Variants in SV2B observed in about 807,000 individuals in gnomAD.
The protein encoded by SV2B is synaptic vesicle glycoprotein 2B.
In SV2B, 41 loss-of-function variants were observed where a neutral mutation model predicts 73.9. That is an observed-to-expected ratio of 0.56 (90% confidence interval 0.43 to 0.72). The LOEUF is 0.72. Ranked by LOEUF, SV2B falls within the 30% of genes least tolerant of loss-of-function variation. The pLI is 0.00. For missense variants in SV2B, 764 were observed against 857.8 expected (o/e 0.89, Z 1.37); for synonymous variants, 314 against 314.2 (o/e 1.00, Z 0.01).
At chr15:91,173,706 T>C (rs1013405875) in intron 1 of SV2B, among the ~76,000 whole-genome samples, 1 of 152,162 alleles carries the variant, frequency 6.6e-6, no homozygotes, top group Non-Finnish European at 1.5e-5. Flanking sequence ...TGACTGGAAG[T>C]TCTTCAACAG....
In SV2B at chr15:91,284,264, G is replaced by A; in HGVS notation, c.1708+43G>A. 2 of 1,602,516 alleles carry A rather than the reference G, an allele frequency of 1.2e-6. No individual in the cohort carries two copies. The highest frequency in any genetic ancestry group is 1.7e-6 in the Non-Finnish European group (2 of 1,170,392). On this transcript the variant is annotated intron_variant, in intron 11 of 12. Transcript: ENST00000394232. The surrounding 1 kb of genome is among the most constrained non-coding windows in gnomAD (Gnocchi z 4.5). ...TCATTCCTGGGTTCCAACGCGCTGG[G>A]GTGGTGACTTTCAAGTGTATTAAAC...
chr15:91,249,973 C>T (rs1236524351), intron 2 of SV2B, among the ~76,000 whole-genome samples: 1 of 152,156 alleles, frequency 6.6e-6, no homozygotes, highest in Non-Finnish European at 1.5e-5. Flanking sequence ...CAAACTCTTC[C>T]AGAAAATTGA....
At position 91,157,552 on chromosome 15, in the gene SV2B, A is replaced by G. The variant is rs959233816; in HGVS notation, c.-392+57189A>G. 2.0e-5 allele frequency among the ~76,000 whole-genome samples: 3 copies of G among 152,314 alleles called. No homozygotes were observed. In the East Asian group the frequency reaches 5.8e-4, roughly 29 times the overall value. The stretch of plus-strand genomic sequence containing the variant: ...GAAACAAATGCTTTTGCTGCTTACA[A>G]TATGTTAGGCACTGTTTTAAGCTCT... On this transcript the variant is annotated intron_variant, in intron 1 of 12. Transcript: ENST00000394232.
intron 9 of SV2B, among the ~76,000 whole-genome samples, chr15:91,275,733 C>T (rs12593719): frequency 0.029 from 4,371 of 152,044 alleles, 122 homozygotes; most frequent in East Asian, 0.095. Flanking sequence ...GGCTGAGGCA[C>T]GAGAATTACT....
rs1022302643 is a variant in SV2B at position 91,293,141 on chromosome 15, C to T, written c.*589C>T. The T allele has an allele frequency of 1.3e-5, 2 of 152,158 alleles. No homozygotes were observed. The highest frequency in any genetic ancestry group is 2.9e-5 in the Non-Finnish European group (2 of 68,046). 9.4% of individuals were successfully genotyped at this position (152,158 alleles called of 1,614,324 possible). A position where few individuals can be genotyped will look rare whatever the true frequency, so the allele number is the denominator to read the frequency against. ...ACATCTATAGAGATCTACTTTTCTCCTATGTCTCCTAGGCTTTCCATGATA... is the reference window on the plus strand; with the variant it reads ...ACATCTATAGAGATCTACTTTTCTCTTATGTCTCCTAGGCTTTCCATGATA... On this transcript the variant is annotated 3_prime_UTR_variant, in exon 13 of 13. Transcript: ENST00000394232.
chr15:91,204,556 CTTTTTTT>C (rs568973449), intron 1 of SV2B, among the ~76,000 whole-genome samples: 5 of 127,822 alleles, frequency 3.9e-5, no homozygotes, highest in Non-Finnish European at 8.4e-5. Context: ...TCTTCTTCTT[CTTTTTTT>C]TTTTTTTTTT....
rs2042824944 is a variant in SV2B, at chr15:91,136,370, T to C, written c.-392+36007T>C. Among the ~76,000 whole-genome samples, 1 of 152,054 alleles carries C rather than the reference T, an allele frequency of 6.6e-6. No individual in the cohort carries two copies. Among genetic ancestry groups the C allele is most frequent in the Non-Finnish European group, 1.5e-5 (1 of 68,006 alleles). Reference sequence around the variant, plus strand: ...GACAGCCAGAATGTAAGGGGTCAGTTTGTGGGTGACTTACTCTCTAGGGGC... The same window carrying C: ...GACAGCCAGAATGTAAGGGGTCAGTCTGTGGGTGACTTACTCTCTAGGGGC... On this transcript the variant is annotated intron_variant, in intron 1 of 12. Transcript: ENST00000394232. This position sits in a 1 kb window ranked among gnomAD's most constrained non-coding sequence, Gnocchi z 5.6.
intron 4 of SV2B, among the ~76,000 whole-genome samples, chr15:91,254,390 C>T (rs1165313458): frequency 6.6e-6 from 1 of 152,052 alleles, no homozygotes; most frequent in Non-Finnish European, 1.5e-5. Flanking sequence ...GTGTGTGCCA[C>T]CACACCCAGC....
chr15:91,266,827 G>C, intron 7 of SV2B, 135 bp downstream of exon 7: 1 of 627,306 alleles, frequency 1.6e-6, no homozygotes, highest in Non-Finnish European at 2.6e-6. Flanking sequence ...CCCTGGAGGG[G>C]GGCGTTTGGG....
chr15:91,286,337 T>C (rs1036346921), intron 11 of SV2B, among the ~76,000 whole-genome samples: 5 of 152,232 alleles, frequency 3.3e-5, no homozygotes, highest in Admixed American at 1.3e-4. Context: ...ACATTTTTGT[T>C]CTGCTTAATC....
In SV2B at chr15:91,121,131, A is replaced by AT. The variant is rs11424510; in HGVS notation, c.-392+20777dup. Among the ~76,000 whole-genome samples, 66,285 of 151,114 alleles carry AT rather than the reference A, an allele frequency of 0.44. 15,444 individuals are homozygous for AT. The highest frequency in any genetic ancestry group is 0.49 in the Middle Eastern group (143 of 292). On this transcript the variant is annotated intron_variant, in intron 1 of 12. Transcript: ENST00000394232. The surrounding 1 kb of genome is among the most constrained non-coding windows in gnomAD (Gnocchi z 4.4). ...TGGTCTTATGTTAGTAACTCGTTTC[A>AT]TTTTTTTTTCTCTTTGAAATAAAAA...
chr15:91,116,554 T>C (rs73503163), intron 1 of SV2B, among the ~76,000 whole-genome samples: 2,574 of 152,248 alleles, frequency 0.017, 68 homozygotes, highest in South Asian at 0.053. Context: ...GGTTAGAATT[T>C]CCCGTGGGAC....
rs962017866 is a variant in SV2B, at chr15:91,301,185, C to A, written c.*8633C>A. 1.3e-5 allele frequency: 2 copies of A among 152,172 alleles called. No homozygotes were observed. Among genetic ancestry groups the A allele is most frequent in the African/African-American group, 4.8e-5 (2 of 41,432 alleles). The allele number at this position is 152,172 out of a possible 1,614,324, so 9.4% of individuals were successfully genotyped here. A position where few individuals can be genotyped will look rare whatever the true frequency, so the allele number is the denominator to read the frequency against. ...CCAGTTTACAATGACTGGCAACTGA[C>A]CAGATAGAGCTTACCGTATGTCCAT... On this transcript the variant is annotated 3_prime_UTR_variant, in exon 13 of 13. Transcript: ENST00000394232. This position sits in a 1 kb window ranked among gnomAD's most constrained non-coding sequence, Gnocchi z 4.3.
rs531858832 is a variant in SV2B at position 91,189,613 on chromosome 15, T to C, written c.-391-36260T>C. 1.8e-4 allele frequency among the ~76,000 whole-genome samples: 27 copies of C among 152,340 alleles called. No homozygotes were observed. In the South Asian group the frequency reaches 5.2e-3, roughly 29 times the overall value. ...CCATCTCACACATAAATTTGGTAAG[T>C]CTTTCCATATGTTCAAGCCTTTTAA... On this transcript the variant is annotated intron_variant, in intron 1 of 12. Transcript: ENST00000394232.
intron 1 of SV2B, among the ~76,000 whole-genome samples, chr15:91,111,375 C>T (rs575668561): frequency 3.3e-4 from 51 of 152,294 alleles, no homozygotes; most frequent in African/African-American, 1.2e-3. Context: ...GGCAAAGAGC[C>T]CCAGAGCCTG....
intron 2 of SV2B, among the ~76,000 whole-genome samples, chr15:91,233,941 G>A (rs1417711345): frequency 6.6e-6 from 1 of 152,212 alleles, no homozygotes; most frequent in Non-Finnish European, 1.5e-5. Flanking sequence ...ATGTAGGAAT[G>A]GATATTAAGG....
rs2048929542 is a variant in SV2B at position 91,288,306 on chromosome 15, G to A, written c.1709-1215G>A. On this transcript the variant is annotated intron_variant, in intron 11 of 12. Transcript: ENST00000394232. This position sits in a 1 kb window ranked among gnomAD's most constrained non-coding sequence, Gnocchi z 5.8. The stretch of plus-strand genomic sequence containing the variant: ...TAAATTATAATTGTATATTTTGATG[G>A]GGTACAATGTGATATTTTCATGCAT... Among the ~76,000 whole-genome samples, 1 of 151,992 alleles carries A rather than the reference G, an allele frequency of 6.6e-6. No individual in the cohort carries two copies. The highest frequency in any genetic ancestry group is 2.4e-5 in the African/African-American group (1 of 41,374).
chr15:91,249,914 C>G (rs1417888368), intron 2 of SV2B, among the ~76,000 whole-genome samples: 1 of 152,242 alleles, frequency 6.6e-6, no homozygotes, highest in Non-Finnish European at 1.5e-5. Flanking sequence ...GCTGGCTTCA[C>G]TGTTGAATTC....
rs947691510 is a variant in SV2B at position 91,124,270 on chromosome 15, G to A, written c.-392+23907G>A. Among the ~76,000 whole-genome samples, 6 of 152,140 alleles carry A rather than the reference G, an allele frequency of 3.9e-5. No individual in the cohort carries two copies. The highest frequency in any genetic ancestry group is 7.3e-5 in the Non-Finnish European group (5 of 68,036). ...GGGAAGTCACGAATCTGTCATTTGC[G>A]ATTTTAGTTTTTGTGTCTGTGGTGC... On this transcript the variant is annotated intron_variant, in intron 1 of 12. Coordinates refer to ENST00000394232, the MANE Select transcript of SV2B (RefSeq NM_001323032.3). This position sits in a 1 kb window ranked among gnomAD's most constrained non-coding sequence, Gnocchi z 4.6.
Sources: gnomAD v4.1 joint callset for allele counts (sites outside exome capture counted in the v4.1 genomes callset) on GRCh38, gnomAD v4.1.1 for gene constraint, Gnocchi (gnomAD v3.1) non-coding constraint, MANE v1.5 for transcripts, NCBI Gene and HGNC (gene_info 2026-07-23, HGNC 2026-07-21) for gene names.